Variants in SLC25A21 observed in about 807,000 individuals in gnomAD.
The protein encoded by SLC25A21 is mitochondrial 2-oxodicarboxylate carrier.
A neutral mutation model predicts 43.8 loss-of-function variants in SLC25A21; 47 were observed. The ratio of observed to expected loss-of-function variants is 1.07; its 90% CI spans 0.85 to 1.37. SLC25A21 has a LOEUF of 1.37. Among genes scored for constraint, SLC25A21 ranks in the 40% most tolerant of loss-of-function variants. The pLI is 0.00. For synonymous variants in SLC25A21, 131 were observed against 121.3 expected, an observed-to-expected ratio of 1.08 and a Z score of -0.52; for missense variants, 352 against 350.2, an observed-to-expected ratio of 1.00 and a Z score of -0.04.
intron 3 of SLC25A21, among the ~76,000 whole-genome samples, chr14:36,777,668 G>A (rs1196541230): frequency 6.6e-6 from 1 of 152,178 alleles, no homozygotes; most frequent in Non-Finnish European, 1.5e-5. Flanking sequence ...AAAGCAGGAG[G>A]GGCATGGGAT....
intron 3 of SLC25A21, among the ~76,000 whole-genome samples, chr14:36,749,234 G>A (rs535563877): frequency 1.3e-5 from 2 of 152,266 alleles, no homozygotes; most frequent in South Asian, 4.2e-4. Flanking sequence ...CCTGATTCGC[G>A]AATCGTTCTT....
chr14:36,875,985 G>A (rs1890510414), intron 1 of SLC25A21, among the ~76,000 whole-genome samples: 1 of 152,066 alleles, frequency 6.6e-6, no homozygotes, highest in African/African-American at 2.4e-5. Flanking sequence ...TAACATACAC[G>A]GTCACTGATA....
At chr14:36,982,195 A>G (rs191209279) in intron 1 of SLC25A21, among the ~76,000 whole-genome samples, 3 of 152,338 alleles carry the variant, frequency 2.0e-5, no homozygotes, top group Admixed American at 2.0e-4. Context: ...AAACTATAGA[A>G]CAGATTTTAA....
chr14:36,788,349 C>G (rs980968882), intron 3 of SLC25A21, among the ~76,000 whole-genome samples: 2 of 151,782 alleles, frequency 1.3e-5, no homozygotes, highest in Non-Finnish European at 2.9e-5. Flanking sequence ...CATCAGGGCT[C>G]TGATCGAAGG....
At chr14:36,782,990 A>T (rs1594583859) in intron 3 of SLC25A21, among the ~76,000 whole-genome samples, 1 of 150,544 alleles carries the variant, frequency 6.6e-6, no homozygotes, top group Non-Finnish European at 1.5e-5. Flanking sequence ...AAAAATAAAA[A>T]AAATAAAAAT....
At chr14:36,934,964 A>G (rs1892383285) in intron 1 of SLC25A21, among the ~76,000 whole-genome samples, 1 of 152,004 alleles carries the variant, frequency 6.6e-6, no homozygotes, top group Admixed American at 6.6e-5. Context: ...AAAGAAGAAA[A>G]AAATCCAACA....
At chr14:36,936,037 G>T (rs922964698) in intron 1 of SLC25A21, among the ~76,000 whole-genome samples, 1 of 152,074 alleles carries the variant, frequency 6.6e-6, no homozygotes, top group Non-Finnish European at 1.5e-5. Flanking sequence ...TTTAATTACT[G>T]GTACTGGGTT....
chr14:37,004,045 C>T (rs1340189479), intron 1 of SLC25A21, among the ~76,000 whole-genome samples: 2 of 152,068 alleles, frequency 1.3e-5, no homozygotes, highest in Non-Finnish European at 2.9e-5. Context: ...ATCTTTCCCC[C>T]CACCAGGCAT....
At chr14:36,729,677 T>C in intron 4 of SLC25A21, 111 bp from the exon 5 acceptor site, 2 of 856,022 alleles carry the variant, frequency 2.3e-6, no homozygotes, top group Middle Eastern at 3.4e-4. Context: ...TTTCAAAAAA[T>C]GATAAACTAT....
chr14:36,939,367 G>A lies in SLC25A21; in HGVS notation c.71-64363C>T, dbSNP rs115778417. Among the ~76,000 whole-genome samples the A allele has an allele frequency of 7.1e-3, 1,082 of 152,090 alleles. 17 individuals are homozygous for A. Among genetic ancestry groups the A allele is most frequent in the African/African-American group, 0.024 (999 of 41,488 alleles). On this transcript the variant is annotated intron_variant, in intron 1 of 9. Transcript: ENST00000331299. ...GCATATTTTCTTTTGTGAGGGGTTT[G>A]ACTGCAATACGATTAAATAGAATAT...
chr14:36,822,455 A>G lies in SLC25A21; in HGVS notation c.120-8454T>C, dbSNP rs973244347. Among the ~76,000 whole-genome samples, 7 of 152,350 alleles carry G rather than the reference A, an allele frequency of 4.6e-5. No homozygotes were observed. In the South Asian group the frequency reaches 1.0e-3, roughly 23 times the overall value. On this transcript the variant is annotated intron_variant, in intron 2 of 9. Transcript: ENST00000331299. ...GATGTTCTTTGACTGGTTAAAATCT[A>G]TATGTCTTTATTAGGTGTAGGTGGG...
chr14:36,768,179 A>T (rs1886484609), intron 3 of SLC25A21, among the ~76,000 whole-genome samples: 1 of 152,194 alleles, frequency 6.6e-6, no homozygotes, highest in Non-Finnish European at 1.5e-5. Flanking sequence ...TATTGTAAAT[A>T]GCAGAGGAGA....
chr14:36,889,043 T>C (rs927971214), intron 1 of SLC25A21, among the ~76,000 whole-genome samples: 9 of 152,214 alleles, frequency 5.9e-5, no homozygotes, highest in East Asian at 1.9e-4. Context: ...CCTGGAACCA[T>C]AGCTACACAA....
At chr14:36,897,355 T>G (rs1891272380) in intron 1 of SLC25A21, among the ~76,000 whole-genome samples, 1 of 152,126 alleles carries the variant, frequency 6.6e-6, no homozygotes, top group Non-Finnish European at 1.5e-5. Context: ...TGTGCATTCG[T>G]CATGTTCTTG....
intron 1 of SLC25A21, among the ~76,000 whole-genome samples, chr14:36,938,869 T>G (rs941511592): frequency 1.3e-5 from 2 of 151,946 alleles, no homozygotes; most frequent in Non-Finnish European, 2.9e-5. Context: ...ACTTCAGAAA[T>G]CTATATTTCT....
chr14:37,144,815 T>C (rs557189956), intron 1 of SLC25A21, among the ~76,000 whole-genome samples: 1 of 152,152 alleles, frequency 6.6e-6, no homozygotes, highest in East Asian at 1.9e-4. Context: ...GTATTTTTAG[T>C]AGAGATAGGA....
chr14:36,758,006 G>C (rs542853506), intron 3 of SLC25A21, among the ~76,000 whole-genome samples: 262 of 152,350 alleles, frequency 1.7e-3, no homozygotes, highest in African/African-American at 5.9e-3. Context: ...AATTCTTCAA[G>C]GGGAGCCTTT....
intron 1 of SLC25A21, among the ~76,000 whole-genome samples, chr14:37,016,226 G>GT (rs1383800532): frequency 6.6e-6 from 1 of 152,130 alleles, no homozygotes; most frequent in Non-Finnish European, 1.5e-5. Flanking sequence ...TGTATAAAGT[G>GT]TAAGGAAGGG....
At chr14:36,779,127 G>T (rs911225525) in intron 3 of SLC25A21, among the ~76,000 whole-genome samples, 6 of 149,940 alleles carry the variant, frequency 4.0e-5, no homozygotes, top group Admixed American at 2.0e-4. Context: ...GTTCATCTAT[G>T]TTGTTGCAAA....
Sources: gnomAD v4.1 joint callset for allele counts (sites outside exome capture counted in the v4.1 genomes callset) on GRCh38, gnomAD v4.1.1 for gene constraint, MANE v1.5 for transcripts, NCBI Gene and HGNC (gene_info 2026-07-23, HGNC 2026-07-21) for gene names.